The following RASSF8 variants were observed in gnomAD, a reference collection of about 807,000 sequenced individuals.
The protein encoded by RASSF8 is ras association domain-containing protein 8.
RASSF8 carries 22 observed loss-of-function variants against 48.5 expected under a neutral mutation model. The observed-to-expected ratio is 0.45, with a 90% CI of 0.32 to 0.65. RASSF8 has a LOEUF of 0.65. Among genes scored for constraint, RASSF8 ranks in the 30% least tolerant of loss-of-function variants. The probability of loss-of-function intolerance (pLI) is 0.03; values close to 1 mark genes in which losing one functional copy is unlikely to be tolerated. For missense variants in RASSF8, 418 were observed against 489.2 expected (o/e 0.85, Z 1.37); for synonymous variants, 127 against 171.5 (o/e 0.74, Z 2.03).
intron 2 of RASSF8, 132 bp downstream of exon 2, chr12:25,995,262 A>T (rs1485565405): frequency 1.3e-5 from 2 of 152,226 alleles, no homozygotes; most frequent in East Asian, 3.8e-4. Context: ...AAGTCTTAAG[A>T]ATCATCATTT....
At chr12:25,985,061 C>T (rs749393157) in intron 1 of RASSF8, among the ~76,000 whole-genome samples, 2 of 152,120 alleles carry the variant, frequency 1.3e-5, no homozygotes, top group South Asian at 2.1e-4. Flanking sequence ...CAGATTCACA[C>T]GCATTCTCAT....
chr12:26,022,277 A>C (rs188487942), intron 2 of RASSF8, among the ~76,000 whole-genome samples: 242 of 152,254 alleles, frequency 1.6e-3, no homozygotes, highest in Admixed American at 2.5e-3. Flanking sequence ...CCCAGTGCTG[A>C]CCCTCCGAGG....
chr12:26,049,786 C>CT lies in RASSF8; in HGVS notation c.-108-5442dup, dbSNP rs201014644. On this transcript the variant is annotated intron_variant, in intron 2 of 5. Transcript: ENST00000689635. ...TTTATCCTAAGGAAAAGACGGAATTCTTTTTTTTGTTTTTTGAGACGGAGT... is the reference window on the plus strand; with the variant it reads ...TTTATCCTAAGGAAAAGACGGAATTCTTTTTTTTTGTTTTTTGAGACGGAGT... Among the ~76,000 whole-genome samples the CT allele has an allele frequency of 1.3e-3, 201 of 151,978 alleles. 1 individual carries two copies. The highest frequency in any genetic ancestry group is 3.4e-3 in the Middle Eastern group (1 of 294).
intron 3 of RASSF8, among the ~76,000 whole-genome samples, chr12:26,061,490 T>C (rs1943740894): frequency 6.6e-6 from 1 of 151,530 alleles, no homozygotes; most frequent in Admixed American, 6.7e-5. Flanking sequence ...CTAAATTGGA[T>C]CGAAATTATT....
At chr12:25,990,137 A>G (rs1024392740) in intron 1 of RASSF8, among the ~76,000 whole-genome samples, 3 of 152,098 alleles carry the variant, frequency 2.0e-5, no homozygotes, top group African/African-American at 7.2e-5. Context: ...CTTAACCTCA[A>G]CTTTGTATAA....
Position 26,063,254 on chromosome 12 carries a change from TG to T in RASSF8, c.104-1243del, listed in dbSNP as rs955553393. Reference sequence around the variant, plus strand: ...TTTCACAAAATTTAAATAATCTATCTGACCCACTCAAATGAAAATATTTAAA... The same window carrying T: ...TTTCACAAAATTTAAATAATCTATCTACCCACTCAAATGAAAATATTTAAA... On this transcript the variant is annotated intron_variant, in intron 3 of 5. Transcript: ENST00000689635. 4.6e-5 allele frequency among the ~76,000 whole-genome samples: 7 copies of T among 152,362 alleles called. No homozygotes were observed. The South Asian group carries it at 8.3e-4, about 18-fold the overall frequency.
chr12:25,959,099 C>G lies in RASSF8; in HGVS notation c.-252C>G, dbSNP rs1941158949. On this transcript the variant is annotated 5_prime_UTR_variant, in exon 1 of 6. Coordinates refer to ENST00000689635, the MANE Select transcript of RASSF8 (RefSeq NM_001394098.1). ...GGGTGCCGCCGCGTCCCCAGCGCCC[C>G]GGCCGGCCCCTCTGGGCGGCCTGCG... 1 of 150,282 alleles carries G rather than the reference C, an allele frequency of 6.7e-6. No individual in the cohort carries two copies. The highest frequency in any genetic ancestry group is 2.1e-4 in the South Asian group (1 of 4,824). The allele number at this position is 150,282 out of a possible 1,614,324, so 9.3% of individuals were successfully genotyped here. A position where few individuals can be genotyped will look rare whatever the true frequency, so the allele number is the denominator to read the frequency against.
rs150710283 is a variant in RASSF8 at position 26,078,399 on chromosome 12, T to C, written c.1139-634T>C. On this transcript the variant is annotated intron_variant, in intron 5 of 5. Coordinates refer to the RASSF8 transcript ENST00000381352. ...CATGCAGAAATGAAAAGGAGTAATC[T>C]GGGCCACATAACCCACATCAGGCTT... Among the ~76,000 whole-genome samples the C allele has an allele frequency of 7.7e-3, 1,169 of 152,252 alleles. 15 individuals carry two copies. The highest frequency in any genetic ancestry group is 0.027 in the African/African-American group (1,111 of 41,550).
chr12:26,021,804 C>T (rs1434012924), intron 2 of RASSF8, among the ~76,000 whole-genome samples: 1 of 152,152 alleles, frequency 6.6e-6, no homozygotes, highest in East Asian at 1.9e-4. Context: ...CTGAGAGAAG[C>T]AGTCTGTAAG....
chr12:26,076,286 T>G (rs1481636028), downstream of RASSF8, among the ~76,000 whole-genome samples: 1 of 142,120 alleles, frequency 7.0e-6, no homozygotes, highest in African/African-American at 2.7e-5. Context: ...TATACTTTAC[T>G]TTAAGTTCTA....
At chr12:25,990,910 TACAC>T (rs143406226) in intron 1 of RASSF8, among the ~76,000 whole-genome samples, 1,623 of 151,448 alleles carry the variant, frequency 0.011, 28 homozygotes, top group African/African-American at 0.031. Flanking sequence ...CCTAAAAAAA[TACAC>T]ACACACACAC....
intron 2 of RASSF8, among the ~76,000 whole-genome samples, chr12:26,006,611 A>G (rs1426183769): frequency 2.0e-5 from 3 of 152,196 alleles, no homozygotes; most frequent in Non-Finnish European, 4.4e-5. Flanking sequence ...TTTAAACCAG[A>G]CACTTTGGAG....
intron 2 of RASSF8, among the ~76,000 whole-genome samples, chr12:26,030,101 C>T (rs1409999196): frequency 2.0e-5 from 3 of 151,778 alleles, no homozygotes; most frequent in African/African-American, 4.8e-5. Context: ...ATTATGATAC[C>T]GTATGTCTAA....
chr12:26,018,715 T>A (rs537234489), intron 2 of RASSF8, among the ~76,000 whole-genome samples: 1 of 152,282 alleles, frequency 6.6e-6, no homozygotes, highest in South Asian at 2.1e-4. Context: ...CAGGGATAAT[T>A]ACCTGCCCAC....
intron 2 of RASSF8, among the ~76,000 whole-genome samples, chr12:26,016,125 C>T (rs1942642673): frequency 6.6e-6 from 1 of 151,786 alleles, no homozygotes; most frequent in Non-Finnish European, 1.5e-5. Flanking sequence ...GCTGATTTTC[C>T]CTTGAAATGC....
intron 2 of RASSF8, among the ~76,000 whole-genome samples, chr12:26,012,682 C>CT (rs775400464): frequency 0.04 from 5,320 of 131,738 alleles, 263 homozygotes; most frequent in African/African-American, 0.11. Flanking sequence ...GGCCTTTTTT[C>CT]TTTTTTTTTT....
chr12:25,991,530 C>A (rs1942014427), intron 1 of RASSF8, among the ~76,000 whole-genome samples: 1 of 151,950 alleles, frequency 6.6e-6, no homozygotes, highest in Non-Finnish European at 1.5e-5. Flanking sequence ...GGTGACAGTC[C>A]ATTTTGTACG....
At chr12:26,009,010 G>GT (rs1942460003) in intron 2 of RASSF8, among the ~76,000 whole-genome samples, 1 of 152,084 alleles carries the variant, frequency 6.6e-6, no homozygotes, top group Admixed American at 6.5e-5. Context: ...TCAGTCCAGT[G>GT]TTTTTTCTTG....
At chr12:26,045,387 A>G (rs147997635) in intron 2 of RASSF8, among the ~76,000 whole-genome samples, 20 of 152,298 alleles carry the variant, frequency 1.3e-4, no homozygotes, top group African/African-American at 4.8e-4. Context: ...GAAGTTTTGT[A>G]GTCTAGCAGC....
Sources: gnomAD v4.1 joint callset for allele counts (sites outside exome capture counted in the v4.1 genomes callset) on GRCh38, gnomAD v4.1.1 for gene constraint, MANE v1.5 for transcripts, NCBI Gene and HGNC (gene_info 2026-07-23, HGNC 2026-07-21) for gene names.